Variants in MTUS2 observed in about 807,000 individuals in gnomAD.
MTUS2 encodes the protein microtubule associated scaffold protein 2.
In MTUS2, 40 loss-of-function variants were observed where a neutral mutation model predicts 114.1. That is an observed-to-expected ratio of 0.35 (90% CI 0.27 to 0.46). The LOEUF is 0.46. Ranked by LOEUF, MTUS2 falls within the 20% of genes least tolerant of loss-of-function variation. MTUS2 has a pLI of 1.00. For missense variants in MTUS2, 1,679 were observed against 1,705.4 expected (o/e 0.98, Z 0.27); for synonymous variants, 688 against 672.0 (o/e 1.02, Z -0.37).
chr13:28,968,936 T>G (rs1254140828), intron 2 of MTUS2, among the ~76,000 whole-genome samples: 1 of 152,208 alleles, frequency 6.6e-6, no homozygotes, highest in Admixed American at 6.5e-5. Context: ...TCAAAATTAT[T>G]CAAAAATTAT....
intron 9 of MTUS2, among the ~76,000 whole-genome samples, chr13:29,449,576 C>T (rs941820987): frequency 6.6e-5 from 10 of 152,026 alleles, no homozygotes; most frequent in African/African-American, 2.2e-4. Context: ...TTCCTAACAG[C>T]GTACAGCTGG....
At chr13:29,336,412 C>T (rs988917937) in intron 7 of MTUS2, among the ~76,000 whole-genome samples, 7 of 152,282 alleles carry the variant, frequency 4.6e-5, no homozygotes, top group East Asian at 1.9e-4. Flanking sequence ...GCTGCAGGTC[C>T]ACTAGAGTTT....
intron 8 of MTUS2, chr13:29,428,724 A>G: frequency 1.9e-6 from 3 of 1,551,696 alleles, no homozygotes; most frequent in South Asian, 1.2e-5. Flanking sequence ...AGGGAACCAC[A>G]TGGAAGTTGT....
intron 5 of MTUS2, among the ~76,000 whole-genome samples, chr13:29,129,269 G>A (rs1891652675): frequency 6.7e-6 from 1 of 149,686 alleles, no homozygotes. Flanking sequence ...TCTGTTATTT[G>A]AGAGAACTGT....
chr13:29,456,369 A>G (rs565462602), intron 9 of MTUS2, among the ~76,000 whole-genome samples: 3 of 152,236 alleles, frequency 2.0e-5, no homozygotes, highest in Non-Finnish European at 4.4e-5. Context: ...GACTATAGCA[A>G]CCAGGTCTAA....
intron 5 of MTUS2, among the ~76,000 whole-genome samples, chr13:29,130,706 A>G (rs916613152): frequency 3.3e-5 from 5 of 151,650 alleles, no homozygotes; most frequent in African/African-American, 7.3e-5. Flanking sequence ...GCTCACTGCA[A>G]CCTCCACCTC....
chr13:29,104,227 T>C (rs976429824), intron 5 of MTUS2, among the ~76,000 whole-genome samples: 18 of 152,164 alleles, frequency 1.2e-4, no homozygotes, highest in Admixed American at 2.6e-4. Context: ...GGAAATGAAT[T>C]ATGTTCATAG....
At chr13:28,855,585 C>A (rs903762127) in intron 2 of MTUS2, among the ~76,000 whole-genome samples, 5 of 152,128 alleles carry the variant, frequency 3.3e-5, no homozygotes, top group Non-Finnish European at 5.9e-5. Context: ...CCACCCATGT[C>A]CCTGCAAAGG....
chr13:28,864,728 T>C (rs1233006437), intron 2 of MTUS2, among the ~76,000 whole-genome samples: 8 of 152,216 alleles, frequency 5.3e-5, no homozygotes, highest in Non-Finnish European at 1.2e-4. Context: ...TACTTAGTTC[T>C]GTTGGGCATT....
intron 7 of MTUS2, among the ~76,000 whole-genome samples, chr13:29,335,230 T>C (rs1172853902): frequency 6.6e-6 from 1 of 152,134 alleles, no homozygotes; most frequent in East Asian, 1.9e-4. Flanking sequence ...GATGACCATA[T>C]CTTTTACGGT....
intron 2 of MTUS2, among the ~76,000 whole-genome samples, chr13:28,877,213 G>A (rs544906049): frequency 2.0e-5 from 3 of 151,138 alleles, no homozygotes; most frequent in East Asian, 1.9e-4. Flanking sequence ...AGCTACTCAG[G>A]AGGCTGAGGC....
At chr13:29,038,149 T>C (rs139157720) in intron 4 of MTUS2, among the ~76,000 whole-genome samples, 2 of 152,370 alleles carry the variant, frequency 1.3e-5, no homozygotes, top group African/African-American at 2.4e-5. Context: ...TCTTCATGGA[T>C]TTATCTACCT....
chr13:29,158,358 C>CCCCCCCCTCT, intron 5 of MTUS2, among the ~76,000 whole-genome samples: 9 of 32,050 alleles, frequency 2.8e-4, no homozygotes, highest in African/African-American at 6.2e-4. Context: ...GTCCACCCCG[C>CCCCCCCCTCT]TTTTTTTTTT....
At chr13:29,474,238 C>T (rs1880529432) in intron 9 of MTUS2, among the ~76,000 whole-genome samples, 1 of 152,150 alleles carries the variant, frequency 6.6e-6, no homozygotes. Context: ...TTTAAGACAA[C>T]AGTGCAGTTC....
At chr13:29,039,234 G>A (rs1014772084) in intron 4 of MTUS2, among the ~76,000 whole-genome samples, 2 of 152,204 alleles carry the variant, frequency 1.3e-5, no homozygotes, top group African/African-American at 4.8e-5. Flanking sequence ...TAGCCCAGGA[G>A]CCAGCTCAGG....
chr13:29,389,445 A>ATG lies in MTUS2; in HGVS notation c.3117+29974_3117+29975dup, dbSNP rs1566173084. 9.8e-5 allele frequency among the ~76,000 whole-genome samples: 12 copies of ATG among 122,286 alleles called. 1 individual carries two copies. In the South Asian group the frequency reaches 3.1e-3, roughly 32 times the overall value. 80.2% of individuals were successfully genotyped at this position (122,286 alleles called of 152,430 possible). A position where few individuals can be genotyped will look rare whatever the true frequency, so the allele number is the denominator to read the frequency against. On this transcript the variant is annotated intron_variant, in intron 8 of 15. Transcript: ENST00000612955. The stretch of plus-strand genomic sequence containing the variant: ...TATGTATACACGTGTGTGTATGTGT[A>ATG]TGTATACACGTGTGTGTATGTGTAT...
intron 6 of MTUS2, among the ~76,000 whole-genome samples, chr13:29,321,086 C>T (rs1900234272): frequency 6.6e-6 from 1 of 152,188 alleles, no homozygotes; most frequent in Admixed American, 6.5e-5. Flanking sequence ...CAGCTGAAAA[C>T]AGGTCTGGAT....
rs187258785 is a variant in MTUS2, at chr13:28,948,774, A to G, written c.-242-75683A>G. On this transcript the variant is annotated intron_variant, in intron 2 of 15. Coordinates refer to ENST00000612955, the MANE Select transcript of MTUS2 (RefSeq NM_001033602.4). Reference sequence around the variant, plus strand: ...GCAGCAGGGGAACAGGGGTGGGGAAAGGAAACAGCATGTCTTGGGCCCCCA... The same window carrying G: ...GCAGCAGGGGAACAGGGGTGGGGAAGGGAAACAGCATGTCTTGGGCCCCCA... 1.0e-3 allele frequency among the ~76,000 whole-genome samples: 159 copies of G among 152,262 alleles called. 1 individual carries two copies. Among genetic ancestry groups the G allele is most frequent in the Non-Finnish European group, 1.5e-4 (10 of 68,024 alleles).
At chr13:28,973,445 T>C (rs1393562532) in intron 2 of MTUS2, among the ~76,000 whole-genome samples, 1 of 152,212 alleles carries the variant, frequency 6.6e-6, no homozygotes, top group African/African-American at 2.4e-5. Context: ...AGTGAAAAAC[T>C]GGAAGCTGCC....
Sources: gnomAD v4.1 joint callset for allele counts (sites outside exome capture counted in the v4.1 genomes callset) on GRCh38, gnomAD v4.1.1 for gene constraint, MANE v1.5 for transcripts, NCBI Gene and HGNC (gene_info 2026-07-23, HGNC 2026-07-21) for gene names.